Variants in ACACB observed in about 807,000 individuals in gnomAD.
The protein encoded by ACACB is acetyl-CoA carboxylase beta.
Under a neutral mutation model 278.8 loss-of-function variants are expected in ACACB, and 209 were observed. The observed-to-expected ratio is 0.75, with a 90% CI of 0.67 to 0.84. The LOEUF (loss-of-function observed/expected upper bound fraction) is 0.84, where lower values mean the gene tolerates loss of function less well. Ranked by LOEUF, ACACB falls within the 40% of genes least tolerant of loss-of-function variation. ACACB has a pLI of 0.00. For synonymous variants in ACACB, 1,174 were observed against 1,285.6 expected (o/e 0.91, Z 1.86); for missense variants, 2,850 against 3,269.0 (o/e 0.87, Z 3.13).
At chr12:109,146,899 T>G (rs1217928730) in intron 2 of ACACB, among the ~76,000 whole-genome samples, 3 of 152,116 alleles carry the variant, frequency 2.0e-5, no homozygotes, top group African/African-American at 7.2e-5. Flanking sequence ...GGTCGGAATC[T>G]CATGAGCTCA....
rs1292190900 is a variant in ACACB at position 109,210,027 on chromosome 12, A to G, written c.3249+674A>G. The stretch of plus-strand genomic sequence containing the variant: ...TATGTGTATATATACACACGTGTGT[A>G]TATATGTGTATATGTGTATATATAC... On this transcript the variant is annotated intron_variant, in intron 21 of 52. Coordinates refer to ENST00000338432, the MANE Select transcript of ACACB (RefSeq NM_001093.4). Among the ~76,000 whole-genome samples, 8 of 110,284 alleles carry G rather than the reference A, an allele frequency of 7.3e-5. 1 individual carries two copies. Among genetic ancestry groups the G allele is most frequent in the Admixed American group, 2.5e-4 (3 of 11,856 alleles). The allele number at this position is 110,284 out of a possible 152,430, so 72.4% of individuals were successfully genotyped here.
intron 15 of ACACB, among the ~76,000 whole-genome samples, chr12:109,192,789 G>A (rs1412960156): frequency 6.6e-6 from 1 of 152,008 alleles, no homozygotes; most frequent in Non-Finnish European, 1.5e-5. Flanking sequence ...AGCCTCCCAA[G>A]TAGTTGGGAC....
rs1411541847 is a variant in ACACB at position 109,258,371 on chromosome 12, G to A, written c.6360+7G>A. 1 of 1,608,674 alleles carries A rather than the reference G, an allele frequency of 6.2e-7. No homozygotes were observed. The highest frequency in any genetic ancestry group is 1.1e-5 in the South Asian group (1 of 90,060). ...CCTGGATTCTGAGGCCAAGGTGAGG[G>A]GGCCGGGAGCTGTGGCTGCTGGTTT... On this transcript the variant is annotated splice_region_variant and intron_variant, in intron 46 of 52. Coordinates refer to ENST00000338432, the MANE Select transcript of ACACB (RefSeq NM_001093.4).
chr12:109,127,324 G>A (rs971226648), intron 1 of ACACB, among the ~76,000 whole-genome samples: 1 of 151,960 alleles, frequency 6.6e-6, no homozygotes, highest in Non-Finnish European at 1.5e-5. Flanking sequence ...GATGCTTATA[G>A]TGGAAGGCAT....
intron 13 of ACACB, 168 bp from the exon 14 acceptor site, chr12:109,191,445 C>T (rs1270154161): frequency 3.3e-4 from 233 of 702,116 alleles, no homozygotes; most frequent in Non-Finnish European, 3.4e-5. Flanking sequence ...AACTCCTGAC[C>T]TCAAGTAATA....
intron 40 of ACACB, among the ~76,000 whole-genome samples, 184 bp downstream of exon 40, chr12:109,247,887 G>A (rs2046991564): frequency 6.6e-6 from 1 of 152,222 alleles, no homozygotes; most frequent in African/African-American, 2.4e-5. Context: ...GTCCATCCTT[G>A]TCATTCTAAA....
At position 109,266,227 on chromosome 12, in the gene ACACB, C is replaced by T. The variant is rs2047514388; in HGVS notation, c.7251-9C>T. On this transcript the variant is annotated splice_polypyrimidine_tract_variant and intron_variant, in intron 52 of 52. Transcript: ENST00000338432. ...AGTGATCCCAGCCCTCCTCTCACCT[C>T]CCCCACAGCCTGGTTGAAGAAAACC... The T allele has an allele frequency of 1.2e-6, 2 of 1,611,422 alleles. No individual in the cohort carries two copies. The highest frequency in any genetic ancestry group is 2.7e-5 in the African/African-American group (2 of 74,816).
chr12:109,153,204 G>T (rs747408147), intron 2 of ACACB, among the ~76,000 whole-genome samples: 9 of 151,610 alleles, frequency 5.9e-5, no homozygotes, highest in Non-Finnish European at 1.2e-4. Flanking sequence ...GGCCAGGCTG[G>T]TCTTGAACTC....
chr12:109,157,149 G>T (rs1324911085), intron 2 of ACACB, among the ~76,000 whole-genome samples: 1 of 152,110 alleles, frequency 6.6e-6, no homozygotes. Context: ...TAAAAAGATG[G>T]ATTTGGACGA....
upstream of ACACB, among the ~76,000 whole-genome samples, chr12:109,114,485 G>A (rs777273467): frequency 2.0e-5 from 3 of 152,052 alleles, no homozygotes; most frequent in East Asian, 1.9e-4. Context: ...CAGAGGGTCC[G>A]GTTTGCAGCA....
In ACACB at chr12:109,139,503, C is replaced by T; in HGVS notation, c.98C>T (p.Thr33Ile). ...WGKMTDSKPI[T>I]KSKSEANLIP... ...AAAATGACGGACTCCAAGCCGATCACCAAGAGTAAATCAGAAGCAAACCTC... is the reference window on the plus strand; with the variant it reads ...AAAATGACGGACTCCAAGCCGATCATCAAGAGTAAATCAGAAGCAAACCTC... Residue 33 changes from threonine (T) to isoleucine (I), a missense_variant, in exon 2 of 53, where the codon ACC (threonine) becomes ATC (isoleucine). Thr to Ile is a moderately conservative substitution (Grantham distance 89). Transcript: ENST00000338432. The T allele has an allele frequency of 6.2e-7, 1 of 1,614,180 alleles. No homozygotes were observed. Among genetic ancestry groups the T allele is most frequent in the Non-Finnish European group, 8.5e-7 (1 of 1,180,036 alleles).
chr12:109,137,496 CA>C (rs1183133553), intron 1 of ACACB, among the ~76,000 whole-genome samples: 1 of 151,872 alleles, frequency 6.6e-6, no homozygotes, highest in Non-Finnish European at 1.5e-5. Context: ...CCCATCTTTA[CA>C]AAAAATACAA....
At position 109,258,993 on chromosome 12, in the gene ACACB, G is replaced by C. The variant is rs765561863; in HGVS notation, c.6381G>C (p.Gln2127His). The C allele has an allele frequency of 1.9e-6, 3 of 1,614,192 alleles. No homozygotes were observed. The highest frequency in any genetic ancestry group is 1.3e-5 in the African/African-American group (1 of 75,046). ...TCCAGATAATTCAGCAGGCAGGACA[G>C]GTGTGGTTCCCAGACTCAGCCTACA... ...SEAKIIQQAG[Q>H]VWFPDSAYKT... is the part of the protein sequence containing the mutation. Residue 2127 changes from glutamine (Q) to histidine (H), a missense_variant, in exon 47 of 53, where the codon CAG becomes CAC. Gln to His is a conservative substitution (Grantham distance 24). Transcript: ENST00000338432.
intron 22 of ACACB, among the ~76,000 whole-genome samples, chr12:109,213,315 C>T (rs1425443938): frequency 4.6e-5 from 7 of 152,164 alleles, no homozygotes; most frequent in Admixed American, 4.6e-4. Flanking sequence ...CCATTCTCCT[C>T]GACCTCCCAA....
chr12:109,138,555 A>T (rs1279786470), intron 1 of ACACB, among the ~76,000 whole-genome samples: 1 of 135,204 alleles, frequency 7.4e-6, no homozygotes, highest in Non-Finnish European at 1.6e-5. Flanking sequence ...AAAGTGGAAT[A>T]TAATTAAGAG....
intron 1 of ACACB, among the ~76,000 whole-genome samples, chr12:109,119,352 A>G (rs1041499134): frequency 3.9e-5 from 6 of 152,116 alleles, no homozygotes; most frequent in Admixed American, 2.0e-4. Context: ...GCACTTTGGG[A>G]GGCTGAGGAG....
intron 10 of ACACB, among the ~76,000 whole-genome samples, chr12:109,179,670 T>C (rs953386492): frequency 1.4e-4 from 21 of 152,150 alleles, no homozygotes; most frequent in African/African-American, 5.1e-4. Flanking sequence ...AAAAAAATTT[T>C]TGTAGAGACA....
chr12:109,184,392 C>T (rs1380963616), intron 11 of ACACB, among the ~76,000 whole-genome samples: 3 of 152,222 alleles, frequency 2.0e-5, no homozygotes, highest in East Asian at 1.9e-4. Context: ...AGTGAACCTT[C>T]GTAACATATG....
chr12:109,116,002 C>T (rs1042398611), upstream of ACACB, among the ~76,000 whole-genome samples: 2 of 152,238 alleles, frequency 1.3e-5, no homozygotes, highest in African/African-American at 4.8e-5. Flanking sequence ...GCCAGCCCTC[C>T]CCACGTTGCA....
Sources: gnomAD v4.1 joint callset for allele counts (sites outside exome capture counted in the v4.1 genomes callset) on GRCh38, gnomAD v4.1.1 for gene constraint, MANE v1.5 for transcripts, NCBI Gene and HGNC (gene_info 2026-07-23, HGNC 2026-07-21) for gene names.